The following PATJ variants were observed in gnomAD, a reference collection of about 807,000 sequenced individuals.
The protein encoded by PATJ is inaD-like protein.
PATJ carries 190 observed loss-of-function variants against 224.9 expected under a neutral mutation model. The observed-to-expected ratio is 0.84, with a 90% CI of 0.75 to 0.95. The LOEUF (loss-of-function observed/expected upper bound fraction) is 0.95. Ranked by LOEUF, PATJ falls within the 40% of genes least tolerant of loss-of-function variation. PATJ has a pLI of 0.00. For synonymous variants in PATJ, 769 were observed against 820.3 expected (o/e 0.94, Z 1.07); for missense variants, 2,121 against 2,270.3 (o/e 0.93, Z 1.34).
chr1:62,131,120 A>G (rs1005250078), intron 41 of PATJ, among the ~76,000 whole-genome samples: 3 of 152,216 alleles, frequency 2.0e-5, no homozygotes, highest in Admixed American at 1.3e-4. Context: ...CTGATTTTCT[A>G]TTGAACACAA....
intron 41 of PATJ, among the ~76,000 whole-genome samples, chr1:62,136,015 ATT>A (rs374594803): frequency 0.037 from 2,351 of 63,324 alleles, 6 homozygotes; most frequent in African/African-American, 0.048. Context: ...AGACCATTAG[ATT>A]TTTTTTTTTT....
At chr1:61,910,243 C>T (rs1672422168) in intron 25 of PATJ, among the ~76,000 whole-genome samples, 1 of 152,188 alleles carries the variant, frequency 6.6e-6, no homozygotes, top group South Asian at 2.1e-4. Flanking sequence ...GCCAAAAAGG[C>T]TAAGCTTTCA....
intron 27 of PATJ, among the ~76,000 whole-genome samples, chr1:61,943,457 G>C (rs1467638516): frequency 1.3e-5 from 2 of 152,198 alleles, no homozygotes; most frequent in African/African-American, 4.8e-5. Context: ...CCTGTGCCTG[G>C]CTTGGAGGGT....
At chr1:62,106,156 G>A (rs866573115) in intron 33 of PATJ, among the ~76,000 whole-genome samples, 1,776 of 54,772 alleles carry the variant, frequency 0.032, 196 homozygotes, top group African/African-American at 0.074. Context: ...GTGTGTGTGT[G>A]TGTATATATA....
intron 33 of PATJ, among the ~76,000 whole-genome samples, chr1:62,089,370 T>C (rs995640831): frequency 6.8e-6 from 1 of 148,026 alleles, no homozygotes; most frequent in Non-Finnish European, 1.5e-5. Flanking sequence ...CTCCTTTCCC[T>C]GCCACTGTGA....
intron 14 of PATJ, among the ~76,000 whole-genome samples, chr1:61,809,813 T>A (rs1224513462): frequency 6.6e-6 from 1 of 151,866 alleles, no homozygotes; most frequent in Non-Finnish European, 1.5e-5. Context: ...TTATGCTATG[T>A]ATGCCATAAT....
At chr1:61,939,729 C>T (rs1338584629) in intron 27 of PATJ, among the ~76,000 whole-genome samples, 1 of 116,910 alleles carries the variant, frequency 8.6e-6, no homozygotes, top group African/African-American at 3.4e-5. Context: ...TGCTGGACTG[C>T]AGTGGTGTGA....
chr1:61,858,063 T>G (rs1165301498), intron 18 of PATJ, among the ~76,000 whole-genome samples: 2 of 152,188 alleles, frequency 1.3e-5, no homozygotes, highest in Non-Finnish European at 2.9e-5. Context: ...AAGAAATACC[T>G]GAGACTGGAC....
At chr1:61,780,213 C>T (rs1570444136) in intron 7 of PATJ, among the ~76,000 whole-genome samples, 1 of 152,078 alleles carries the variant, frequency 6.6e-6, no homozygotes, top group South Asian at 2.1e-4. Flanking sequence ...CCTGTAATCC[C>T]AACACTTTGG....
At chr1:62,159,239 C>T (rs1374843106) in intron 43 of PATJ, among the ~76,000 whole-genome samples, 3 of 152,224 alleles carry the variant, frequency 2.0e-5, no homozygotes, top group African/African-American at 7.2e-5. Context: ...TTTGCCCAGG[C>T]TGAGTGCAAT....
chr1:62,019,308 G>A (rs1253275901), intron 29 of PATJ, among the ~76,000 whole-genome samples: 1 of 150,574 alleles, frequency 6.6e-6, no homozygotes, highest in African/African-American at 2.4e-5. Flanking sequence ...CAGATCACGA[G>A]GTCAGGAGTG....
rs140742503 is a variant in PATJ, at chr1:61,814,260, C to T, written c.1683+5730C>T. Among the ~76,000 whole-genome samples the T allele has an allele frequency of 2.1e-3, 314 of 150,334 alleles. 1 individual carries two copies. The highest frequency in any genetic ancestry group is 7.4e-3 in the African/African-American group (303 of 41,086). On this transcript the variant is annotated intron_variant, in intron 14 of 43. Coordinates refer to ENST00000642238, the MANE Select transcript of PATJ (RefSeq NM_001350145.3). ...CTGGGTTCAAGCAATTTTTCAGCCT[C>T]AGCCTCCCGAGTAGCTGGGATTACA... is the stretch of plus-strand genomic sequence containing the variant.
chr1:62,128,001 T>C lies in PATJ; in HGVS notation c.5073T>C (p.Ile1691=). The change falls in exon 40 of 44, where the codon ATT becomes ATC. Residue 1691 remains isoleucine, a synonymous_variant. Coordinates refer to ENST00000642238, the MANE Select transcript of PATJ (RefSeq NM_001350145.3). ...RELSDALGIS[I]AGGRGSPLGD... The stretch of plus-strand genomic sequence containing the variant: ...TCAGTGATGCCCTTGGAATCAGTAT[T>C]GCTGGAGGAAGAGGAAGTCCCTTAG... 6.2e-7 allele frequency: 1 copy of C among 1,614,114 alleles called. No individual in the cohort carries two copies. Among genetic ancestry groups the C allele is most frequent in the Non-Finnish European group, 8.5e-7 (1 of 1,179,952 alleles).
chr1:61,857,956 C>T (rs529576517), intron 18 of PATJ, among the ~76,000 whole-genome samples: 163 of 152,098 alleles, frequency 1.1e-3, no homozygotes, highest in African/African-American at 3.5e-3. Flanking sequence ...ACTTAACATA[C>T]GAATAACATA....
At chr1:61,973,360 G>A (rs1357825014) in intron 27 of PATJ, among the ~76,000 whole-genome samples, 1 of 151,956 alleles carries the variant, frequency 6.6e-6, no homozygotes, top group Non-Finnish European at 1.5e-5. Flanking sequence ...GTATGTACAG[G>A]GCTCTGGGCA....
chr1:61,912,538 G>A (rs1230848344), intron 25 of PATJ, among the ~76,000 whole-genome samples: 1 of 151,556 alleles, frequency 6.6e-6, no homozygotes, highest in Non-Finnish European at 1.5e-5. Context: ...GTTGCAGTGA[G>A]CCAAGACTGC....
chr1:61,803,446 C>T (rs1216277744), intron 12 of PATJ, among the ~76,000 whole-genome samples: 3 of 152,068 alleles, frequency 2.0e-5, no homozygotes, highest in Non-Finnish European at 4.4e-5. Context: ...ACAAGATTTT[C>T]GTCATCAATA....
At chr1:62,023,408 AT>A (rs926726011) in intron 29 of PATJ, among the ~76,000 whole-genome samples, 2 of 152,302 alleles carry the variant, frequency 1.3e-5, no homozygotes, top group East Asian at 1.9e-4. Context: ...ACATTCATTC[AT>A]TTTTTTAACA....
At chr1:61,919,018 A>G (rs1002754703) in intron 26 of PATJ, among the ~76,000 whole-genome samples, 1 of 152,196 alleles carries the variant, frequency 6.6e-6, no homozygotes, top group African/African-American at 2.4e-5. Flanking sequence ...AATAAATTGT[A>G]AAAAATAAAA....
Sources: allele counts gnomAD v4.1 joint callset (sites outside exome capture counted in the v4.1 genomes callset), GRCh38; gene constraint gnomAD v4.1.1; transcripts MANE v1.5; gene names NCBI Gene and HGNC (gene_info 2026-07-23, HGNC 2026-07-21).